TTC17: variants seen among roughly 807,000 people sequenced by gnomAD.
TTC17 encodes the protein tetratricopeptide repeat protein 17.
TTC17 carries 58 observed loss-of-function variants against 143.8 expected under a neutral mutation model. That is an observed-to-expected ratio of 0.40 (90% CI 0.33 to 0.50). The LOEUF is 0.50. Among genes scored for constraint, TTC17 ranks in the 20% least tolerant of loss-of-function variants. The pLI is 0.49. For synonymous variants in TTC17, 501 were observed against 497.8 expected, an observed-to-expected ratio of 1.01 and a Z score of -0.09; for missense variants, 1,273 against 1,392.5, an observed-to-expected ratio of 0.91 and a Z score of 1.37.
intron 16 of TTC17, among the ~76,000 whole-genome samples, chr11:43,430,750 A>ACACAC (rs1565162027): frequency 9.2e-5 from 7 of 75,912 alleles, no homozygotes; most frequent in East Asian, 9.1e-4. Context: ...CACACACACA[A>ACACAC]AGTTGAAATT....
chr11:43,437,982 T>A (rs1947329683), intron 16 of TTC17, among the ~76,000 whole-genome samples: 1 of 152,270 alleles, frequency 6.6e-6, no homozygotes, highest in Non-Finnish European at 1.5e-5. Flanking sequence ...CCTACCTACC[T>A]TAATCCGAAT....
chr11:43,369,394 T>G (rs1282065883), intron 1 of TTC17, among the ~76,000 whole-genome samples: 1 of 152,176 alleles, frequency 6.6e-6, no homozygotes, highest in East Asian at 1.9e-4. Flanking sequence ...TTATGTAAAT[T>G]TACAGCTGTA....
At chr11:43,482,158 T>C (rs1348989379) in intron 21 of TTC17, among the ~76,000 whole-genome samples, 1 of 151,986 alleles carries the variant, frequency 6.6e-6, no homozygotes, top group Non-Finnish European at 1.5e-5. Flanking sequence ...CACCATCTTT[T>C]TGTTTTCTCT....
intron 16 of TTC17, among the ~76,000 whole-genome samples, chr11:43,439,251 A>G (rs1304718802): frequency 2.0e-5 from 3 of 152,174 alleles, no homozygotes; most frequent in Admixed American, 1.3e-4. Flanking sequence ...TCTTCCTGCC[A>G]CTGGATCCCC....
At chr11:43,484,466 A>G (rs1420609170) in intron 21 of TTC17, among the ~76,000 whole-genome samples, 1 of 152,154 alleles carries the variant, frequency 6.6e-6, no homozygotes, top group African/African-American at 2.4e-5. Flanking sequence ...AACAATCTAA[A>G]TAAATAGATA....
chr11:43,384,553 G>A (rs184624622), intron 2 of TTC17, among the ~76,000 whole-genome samples: 3 of 152,178 alleles, frequency 2.0e-5, no homozygotes, highest in Admixed American at 1.3e-4. Flanking sequence ...TACTTGGGAG[G>A]CTGAGGTGGC....
At chr11:43,482,587 T>C (rs1948307519) in intron 21 of TTC17, among the ~76,000 whole-genome samples, 1 of 152,126 alleles carries the variant, frequency 6.6e-6, no homozygotes, top group African/African-American at 2.4e-5. Flanking sequence ...TTCAAGCTTG[T>C]TTTATGGGCC....
chr11:43,380,436 A>C (rs1002558965), intron 2 of TTC17, among the ~76,000 whole-genome samples: 1 of 152,128 alleles, frequency 6.6e-6, no homozygotes, highest in Non-Finnish European at 1.5e-5. Context: ...TTGTGCTTTT[A>C]GTAGAGACGG....
intron 5 of TTC17, among the ~76,000 whole-genome samples, chr11:43,394,965 A>G (rs1328097307): frequency 1.3e-5 from 2 of 152,188 alleles, no homozygotes; most frequent in African/African-American, 4.8e-5. Flanking sequence ...TAACATTAGA[A>G]CATTTATAGA....
intron 21 of TTC17, among the ~76,000 whole-genome samples, chr11:43,482,529 T>C (rs546437829): frequency 3.2e-4 from 49 of 152,262 alleles, no homozygotes; most frequent in African/African-American, 1.2e-3. Context: ...TTTAACTCCA[T>C]TGTAGTAAAT....
intron 4 of TTC17, 76 bp from the exon 5 acceptor site, chr11:43,391,745 A>G: frequency 1.3e-6 from 2 of 1,531,496 alleles, no homozygotes; most frequent in South Asian, 2.5e-5. Context: ...TTCAAAATAA[A>G]CACTACAAGA....
chr11:43,386,099 A>G (rs1442670818), intron 2 of TTC17, among the ~76,000 whole-genome samples: 1 of 152,008 alleles, frequency 6.6e-6, no homozygotes, highest in East Asian at 1.9e-4. Context: ...AAATGGGGAA[A>G]GGATAGACTT....
intron 16 of TTC17, 78 bp downstream of exon 16, chr11:43,414,854 A>T: frequency 6.9e-7 from 1 of 1,452,380 alleles, no homozygotes; most frequent in Admixed American, 2.3e-5. Context: ...ACAGAAAATG[A>T]TTTTCTCTAT....
rs116401346 is a variant in TTC17 at position 43,491,995 on chromosome 11, C to T, written c.3151-25C>T. On this transcript the variant is annotated intron_variant, in intron 22 of 23. Transcript: ENST00000039989. ...AAAGCTCAAAACCCAATTTTCCCTT[C>T]TCACCATTCTCCTTCTTCTCCCAGG... The T allele has an allele frequency of 1.0e-3, 1,659 of 1,610,334 alleles. 15 individuals carry two copies. The African/African-American group carries it at 0.019, about 19-fold the overall frequency.
intron 18 of TTC17, chr11:43,445,866 G>T (rs1276032602): frequency 3.9e-6 from 3 of 769,060 alleles, no homozygotes; most frequent in Non-Finnish European, 6.7e-6. Flanking sequence ...ATCATTAAGA[G>T]CCATTGTAGA....
intron 22 of TTC17, 87 bp from the exon 23 acceptor site, chr11:43,491,933 C>T (rs1485319950): frequency 1.2e-5 from 19 of 1,541,140 alleles, no homozygotes; most frequent in Non-Finnish European, 1.7e-5. Flanking sequence ...CCAGGAAACA[C>T]AGACTGTATT....
rs1258655211 is a variant in TTC17 at position 43,493,870 on chromosome 11, A to G, written c.3392A>G (p.His1131Arg). ...AACCGAATCCAGACCATCCAGTGTC[A>G]CTTAATGCTGAAGAAGGGACGGCGC... The part of the protein sequence containing the change: ...AKNRIQTIQC[H>R]LMLKKGRRSP The change falls in exon 24 of 24, where the codon CAC becomes CGC. Residue 1131 changes from histidine to arginine, a missense_variant. Transcript: ENST00000039989. 3.1e-6 allele frequency: 5 copies of G among 1,613,478 alleles called. No individual in the cohort carries two copies. Among genetic ancestry groups the G allele is most frequent in the Non-Finnish European group, 4.2e-6 (5 of 1,179,602 alleles).
intron 5 of TTC17, among the ~76,000 whole-genome samples, chr11:43,392,404 T>C (rs748468095): frequency 2.0e-5 from 3 of 152,186 alleles, no homozygotes; most frequent in Non-Finnish European, 4.4e-5. Flanking sequence ...AATAGGGAAT[T>C]ATGTAACAGG....
intron 2 of TTC17, among the ~76,000 whole-genome samples, chr11:43,383,453 A>T (rs533518107): frequency 7.1e-4 from 108 of 151,774 alleles, no homozygotes; most frequent in Non-Finnish European, 1.4e-3. Context: ...CTGGGGTTCA[A>T]GCGATTCTCC....
Sources: allele counts gnomAD v4.1 joint callset (sites outside exome capture counted in the v4.1 genomes callset), GRCh38; gene constraint gnomAD v4.1.1; transcripts MANE v1.5; gene names NCBI Gene and HGNC (gene_info 2026-07-23, HGNC 2026-07-21).